LIPC: variants seen among roughly 807,000 people sequenced by gnomAD.
LIPC encodes the protein hepatic triacylglycerol lipase.
In LIPC, 44 loss-of-function variants were observed where a neutral mutation model predicts 50.7. That is an observed-to-expected ratio of 0.87 (90% CI 0.68 to 1.11). The LOEUF is 1.11. Ranked by LOEUF, LIPC falls within the 50% of genes most tolerant of loss-of-function variation. LIPC has a pLI of 0.00. For synonymous variants in LIPC, 271 were observed against 256.4 expected, an observed-to-expected ratio of 1.06 and a Z score of -0.54; for missense variants, 697 against 648.2, an observed-to-expected ratio of 1.08 and a Z score of -0.82.
intron 1 of LIPC, among the ~76,000 whole-genome samples, chr15:58,488,695 G>A (rs1474512379): frequency 1.3e-5 from 2 of 152,228 alleles, no homozygotes; most frequent in Non-Finnish European, 1.5e-5. Flanking sequence ...TAGTTTAGGA[G>A]TGAAGAAATC....
chr15:58,555,880 C>G (rs1893930404), intron 6 of LIPC, among the ~76,000 whole-genome samples: 1 of 152,164 alleles, frequency 6.6e-6, no homozygotes, highest in South Asian at 2.1e-4. Context: ...GGGAAAATGC[C>G]CCTGCCTCTC....
intron 1 of LIPC, among the ~76,000 whole-genome samples, chr15:58,520,671 G>A (rs1481280010): frequency 6.6e-6 from 1 of 152,174 alleles, no homozygotes; most frequent in Non-Finnish European, 1.5e-5. Flanking sequence ...AGTAATTGAG[G>A]TTGAGAGCCG....
At chr15:58,567,781 A>C (rs1448078013) in intron 8 of LIPC, among the ~76,000 whole-genome samples, 1 of 152,166 alleles carries the variant, frequency 6.6e-6, no homozygotes, top group African/African-American at 2.4e-5. Context: ...ACACAACATG[A>C]TGCCACTCAA....
At chr15:58,540,735 T>C (rs1893291306) in intron 2 of LIPC, among the ~76,000 whole-genome samples, 1 of 152,154 alleles carries the variant, frequency 6.6e-6, no homozygotes, top group African/African-American at 2.4e-5. Context: ...CACGCACTGT[T>C]CCTTCTGCCT....
chr15:58,480,816 A>G (rs1046003254), intron 1 of LIPC, among the ~76,000 whole-genome samples: 6 of 152,146 alleles, frequency 3.9e-5, no homozygotes, highest in African/African-American at 1.4e-4. Flanking sequence ...AGGGAAGCCA[A>G]AAGATTGGAC....
intron 2 of LIPC, among the ~76,000 whole-genome samples, chr15:58,541,038 C>A (rs766250174): frequency 6.6e-5 from 10 of 152,050 alleles, no homozygotes; most frequent in Non-Finnish European, 1.3e-4. Context: ...TAGGCTCAAG[C>A]AATCCCCCTG....
chr15:58,469,999 C>T (rs1320051947), intron 1 of LIPC, among the ~76,000 whole-genome samples: 1 of 146,974 alleles, frequency 6.8e-6, no homozygotes, highest in African/African-American at 2.5e-5. Flanking sequence ...GTGGTGCAAT[C>T]ATGCCTCACT....
At chr15:58,509,143 C>T (rs1892254523) in intron 1 of LIPC, among the ~76,000 whole-genome samples, 1 of 152,206 alleles carries the variant, frequency 6.6e-6, no homozygotes, top group Non-Finnish European at 1.5e-5. Context: ...CAAATCCACA[C>T]ATTCTCCTCA....
At chr15:58,466,522 G>A (rs1049439980) in intron 1 of LIPC, among the ~76,000 whole-genome samples, 3 of 152,124 alleles carry the variant, frequency 2.0e-5, no homozygotes, top group Non-Finnish European at 2.9e-5. Context: ...TTATTCTAAG[G>A]ATGTATGGTA....
At chr15:58,437,460 T>C (rs1288450260) in intron 1 of LIPC, among the ~76,000 whole-genome samples, 5 of 152,170 alleles carry the variant, frequency 3.3e-5, no homozygotes, top group Non-Finnish European at 7.4e-5. Context: ...ATGCTGTATA[T>C]TGCTAGAGAT....
chr15:58,535,173 G>A (rs1348866922), intron 1 of LIPC, among the ~76,000 whole-genome samples: 15 of 152,214 alleles, frequency 9.9e-5, no homozygotes, highest in Admixed American at 9.2e-4. Context: ...GCATTCCTCC[G>A]CTGCAACACA....
chr15:58,519,753 G>A (rs917077789), intron 1 of LIPC, among the ~76,000 whole-genome samples: 10 of 152,172 alleles, frequency 6.6e-5, no homozygotes, highest in Admixed American at 2.0e-4. Context: ...TGTCTCCTCC[G>A]GAGTTATTCT....
chr15:58,448,614 C>A (rs1369020482), intron 1 of LIPC, among the ~76,000 whole-genome samples: 2 of 152,218 alleles, frequency 1.3e-5, no homozygotes, highest in African/African-American at 4.8e-5. Context: ...GGCCGGCAGG[C>A]CTAAGTGGGC....
intron 1 of LIPC, among the ~76,000 whole-genome samples, chr15:58,462,237 T>C (rs1211869810): frequency 2.0e-5 from 3 of 152,234 alleles, no homozygotes; most frequent in African/African-American, 7.2e-5. Context: ...TGGGCCTTAG[T>C]ACAGTCTGTT....
chr15:58,467,417 C>T (rs1894609166), intron 1 of LIPC, among the ~76,000 whole-genome samples: 1 of 152,204 alleles, frequency 6.6e-6, no homozygotes, highest in South Asian at 2.1e-4. Flanking sequence ...CGCTCCGTTG[C>T]TTATTCTGGT....
At chr15:58,533,503 T>C (rs1203530082) in intron 1 of LIPC, among the ~76,000 whole-genome samples, 2 of 152,320 alleles carry the variant, frequency 1.3e-5, no homozygotes, top group East Asian at 1.9e-4. Flanking sequence ...TAAATATTTA[T>C]ACATAAAGAA....
chr15:58,545,903 A>G lies in LIPC; in HGVS notation c.736A>G (p.Asn246Asp). The change falls in exon 5 of 9, where the codon AAC becomes GAC. Residue 246 changes from asparagine to aspartate, a missense_variant. Physicochemically the swap from Asn to Asp is conservative, Grantham distance 23. Coordinates refer to ENST00000299022, the MANE Select transcript of LIPC (RefSeq NM_000236.3). ...QPIGHYDFYP[N>D]GGSFQPGCHF... Reference sequence around the variant, plus strand: ...CATAGGACACTATGACTTCTATCCCAACGGGGGCTCCTTCCAGCCTGGCTG... The same window carrying G: ...CATAGGACACTATGACTTCTATCCCGACGGGGGCTCCTTCCAGCCTGGCTG... The G allele has an allele frequency of 6.2e-7, 1 of 1,614,164 alleles. No homozygotes were observed. Among genetic ancestry groups the G allele is most frequent in the South Asian group, 1.1e-5 (1 of 91,084 alleles).
At chr15:58,555,834 G>A (rs1893926246) in intron 6 of LIPC, among the ~76,000 whole-genome samples, 2 of 152,314 alleles carry the variant, frequency 1.3e-5, no homozygotes, top group African/African-American at 4.8e-5. Context: ...GAGGGCAGTG[G>A]CTGCACAGTC....
chr15:58,455,511 A>C (rs182328129), intron 1 of LIPC, among the ~76,000 whole-genome samples: 7 of 152,368 alleles, frequency 4.6e-5, no homozygotes, highest in Non-Finnish European at 4.4e-5. Flanking sequence ...TTAAGGAAAT[A>C]TTCTTCCAGT....
Sources: allele counts gnomAD v4.1 joint callset (sites outside exome capture counted in the v4.1 genomes callset), GRCh38; gene constraint gnomAD v4.1.1; transcripts MANE v1.5; gene names NCBI Gene and HGNC (gene_info 2026-07-23, HGNC 2026-07-21).